EPHB2: variants seen among roughly 807,000 people sequenced by gnomAD.
EPHB2 encodes the protein ephrin type-B receptor 2.
In EPHB2, 18 loss-of-function variants were observed where a neutral mutation model predicts 96.4. That is an observed-to-expected ratio of 0.19 (90% CI 0.13 to 0.28). EPHB2 has a LOEUF of 0.28. Among genes scored for constraint, EPHB2 ranks in the 10% least tolerant of loss-of-function variants. The probability of loss-of-function intolerance (pLI) is 1.00; values close to 1 mark genes in which losing one functional copy is unlikely to be tolerated. For missense variants in EPHB2, 989 were observed against 1,355.4 expected (o/e 0.73, Z 4.25); for synonymous variants, 506 against 534.1 (o/e 0.95, Z 0.72).
intron 3 of EPHB2, among the ~76,000 whole-genome samples, chr1:22,819,250 T>TCTCTCTCTCC (rs1645118734): frequency 6.9e-6 from 1 of 145,492 alleles, no homozygotes; most frequent in Non-Finnish European, 1.5e-5. Context: ...TCTCTCTCTC[T>TCTCTCTCTCC]GCTGGTCTTT....
chr1:22,762,663 GT>G (rs1462504331), intron 1 of EPHB2, among the ~76,000 whole-genome samples: 1 of 152,206 alleles, frequency 6.6e-6, no homozygotes, highest in Non-Finnish European at 1.5e-5. Flanking sequence ...TGATTTAGGA[GT>G]TTCCTGTAGG....
At chr1:22,862,965 A>G (rs1638319408) in intron 3 of EPHB2, 72 bp from the exon 4 acceptor site, 1 of 1,602,094 alleles carries the variant, frequency 6.2e-7, no homozygotes, top group Admixed American at 1.7e-5. Flanking sequence ...CCCCTCCGTG[A>G]GGCTGCGTGG....
At chr1:22,845,141 G>A (rs61768228) in intron 3 of EPHB2, among the ~76,000 whole-genome samples, 32,636 of 152,110 alleles carry the variant, frequency 0.21, 3,680 homozygotes, top group East Asian at 0.42. Context: ...AGCACATGGT[G>A]TCCAGCTCAA....
At chr1:22,798,413 T>G (rs1043325849) in intron 3 of EPHB2, among the ~76,000 whole-genome samples, 3 of 151,986 alleles carry the variant, frequency 2.0e-5, no homozygotes, top group Admixed American at 1.3e-4. Context: ...AGATCTCAAA[T>G]CCCTCTTGGA....
intron 1 of EPHB2, among the ~76,000 whole-genome samples, chr1:22,748,680 C>T (rs764907702): frequency 6.6e-6 from 1 of 151,344 alleles, no homozygotes; most frequent in Non-Finnish European, 1.5e-5. Flanking sequence ...GCGCCCAGCT[C>T]TGGGTCCTCT....
chr1:22,741,709 G>A (rs1193907838), intron 1 of EPHB2, among the ~76,000 whole-genome samples: 10 of 78,768 alleles, frequency 1.3e-4, no homozygotes, highest in Admixed American at 6.7e-4. Context: ...AAAAACCTCA[G>A]TTTCTCACGT....
chr1:22,821,600 C>G (rs1282769691), intron 3 of EPHB2, among the ~76,000 whole-genome samples: 3 of 152,328 alleles, frequency 2.0e-5, no homozygotes, highest in South Asian at 2.1e-4. Flanking sequence ...ACAAGAAATG[C>G]CCTCTGTCCC....
At chr1:22,794,191 C>T (rs1455719300) in intron 3 of EPHB2, among the ~76,000 whole-genome samples, 3 of 152,116 alleles carry the variant, frequency 2.0e-5, no homozygotes, top group Non-Finnish European at 4.4e-5. Flanking sequence ...CTAAGGGGCT[C>T]ATGTTTAGGA....
chr1:22,728,046 A>C (rs1050923472), intron 1 of EPHB2, among the ~76,000 whole-genome samples: 1 of 152,166 alleles, frequency 6.6e-6, no homozygotes, highest in Non-Finnish European at 1.5e-5. Context: ...TCTGAACCTC[A>C]GTTTACCCGG....
chr1:22,724,551 A>G (rs1388972966), intron 1 of EPHB2, among the ~76,000 whole-genome samples: 2 of 152,216 alleles, frequency 1.3e-5, no homozygotes, highest in Non-Finnish European at 2.9e-5. Flanking sequence ...GGAGGGAAGA[A>G]AGACTCAGAA....
chr1:22,809,666 G>A (rs568732164), intron 3 of EPHB2, among the ~76,000 whole-genome samples: 19 of 152,290 alleles, frequency 1.2e-4, no homozygotes, highest in Middle Eastern at 3.4e-3. Flanking sequence ...GCCAGGATTT[G>A]AACCCAGGAC....
intron 3 of EPHB2, among the ~76,000 whole-genome samples, chr1:22,808,725 A>G (rs1644963480): frequency 6.6e-6 from 1 of 152,222 alleles, no homozygotes; most frequent in Non-Finnish European, 1.5e-5. Context: ...CACCCTTATG[A>G]CACGGGTATT....
At chr1:22,799,994 G>A (rs1055974544) in intron 3 of EPHB2, among the ~76,000 whole-genome samples, 29 of 152,202 alleles carry the variant, frequency 1.9e-4, no homozygotes, top group African/African-American at 2.4e-5. Flanking sequence ...GGTCACTGGC[G>A]TGTCTGTGCT....
At chr1:22,718,632 C>A (rs996133949) in intron 1 of EPHB2, among the ~76,000 whole-genome samples, 1 of 152,122 alleles carries the variant, frequency 6.6e-6, no homozygotes, top group African/African-American at 2.4e-5. Flanking sequence ...AGGCGATCCA[C>A]CTGCCTCGGC....
At chr1:22,868,643 A>T (rs1223465796) in intron 5 of EPHB2, among the ~76,000 whole-genome samples, 1 of 151,868 alleles carries the variant, frequency 6.6e-6, no homozygotes, top group Non-Finnish European at 1.5e-5. Flanking sequence ...GAAGTGTAGG[A>T]GCATGGAGGG....
intron 5 of EPHB2, among the ~76,000 whole-genome samples, chr1:22,876,805 G>A (rs1272882626): frequency 4.6e-5 from 7 of 152,200 alleles, no homozygotes; most frequent in Admixed American, 4.6e-4. Context: ...CAGGAGAAAG[G>A]CTAGCCCTGC....
chr1:22,871,876 C>A (rs1638680475), intron 5 of EPHB2, among the ~76,000 whole-genome samples: 1 of 152,078 alleles, frequency 6.6e-6, no homozygotes, highest in Non-Finnish European at 1.5e-5. Flanking sequence ...ATTAGCTGGG[C>A]ATGGTGGCGC....
At chr1:22,807,622 G>C (rs1570315111) in intron 3 of EPHB2, among the ~76,000 whole-genome samples, 1 of 152,258 alleles carries the variant, frequency 6.6e-6, no homozygotes, top group East Asian at 1.9e-4. Flanking sequence ...ATGCCCTCCA[G>C]ATGCTCCCAG....
chr1:22,822,788 G>A (rs916585339), intron 3 of EPHB2, among the ~76,000 whole-genome samples: 1 of 152,220 alleles, frequency 6.6e-6, no homozygotes. Flanking sequence ...CCAGTTTCAG[G>A]CCCAGTGCCC....
Sources: allele counts gnomAD v4.1 joint callset (sites outside exome capture counted in the v4.1 genomes callset), GRCh38; gene constraint gnomAD v4.1.1; transcripts MANE v1.5; gene names NCBI Gene and HGNC (gene_info 2026-07-23, HGNC 2026-07-21).